The following TGFB2 variants were observed in gnomAD, a reference collection of about 807,000 sequenced individuals.
TGFB2 encodes transforming growth factor beta 2.
A neutral mutation model predicts 42.7 loss-of-function variants in TGFB2; 13 were observed. The observed-to-expected ratio is 0.30, with a 90% CI of 0.20 to 0.48. The LOEUF is 0.48. Among genes scored for constraint, TGFB2 ranks in the 20% least tolerant of loss-of-function variants. TGFB2 has a pLI of 0.99. For synonymous variants in TGFB2, 193 were observed against 193.6 expected (o/e 1.00, Z 0.03); for missense variants, 390 against 517.5 (o/e 0.75, Z 2.39).
At chr1:218,379,240 C>A (rs1312683069) in intron 1 of TGFB2, among the ~76,000 whole-genome samples, 1 of 151,086 alleles carries the variant, frequency 6.6e-6, no homozygotes, top group Non-Finnish European at 1.5e-5. Context: ...TCACGCCATT[C>A]TCCTGCCTCA....
At position 218,401,347 on chromosome 1, in the gene TGFB2, G is replaced by A. The variant is rs191489060; in HGVS notation, c.347-3822G>A. ...CTCAGGTTTTTTTTCTCTCCCTTCC[G>A]TCCCCAAAATATGGTTTTGCAGGCA... On this transcript the variant is annotated intron_variant, in intron 1 of 6. Transcript: ENST00000366930. Among the ~76,000 whole-genome samples, 236 of 151,764 alleles carry A rather than the reference G, an allele frequency of 1.6e-3. 1 individual carries two copies. Among genetic ancestry groups the A allele is most frequent in the Non-Finnish European group, 4.9e-4 (33 of 67,972 alleles).
intron 1 of TGFB2, among the ~76,000 whole-genome samples, chr1:218,394,471 A>C (rs1240269600): frequency 1.3e-5 from 2 of 152,216 alleles, no homozygotes; most frequent in Admixed American, 1.3e-4. Context: ...CTGTTATTTT[A>C]CTTTTTTTTT....
chr1:218,394,416 T>A (rs1558242906), intron 1 of TGFB2, among the ~76,000 whole-genome samples: 1 of 152,204 alleles, frequency 6.6e-6, no homozygotes. Context: ...GGAAACCCCA[T>A]GTCTGACACA....
chr1:218,353,728 C>A (rs1001029379), intron 1 of TGFB2, among the ~76,000 whole-genome samples: 8 of 152,146 alleles, frequency 5.3e-5, no homozygotes, highest in African/African-American at 1.9e-4. Flanking sequence ...AAGATCTTGT[C>A]TCTACAGAGA....
intron 1 of TGFB2, among the ~76,000 whole-genome samples, chr1:218,354,150 A>G (rs1170589213): frequency 6.6e-6 from 1 of 152,212 alleles, no homozygotes; most frequent in Admixed American, 6.5e-5. Flanking sequence ...TATAGAACTT[A>G]GCATATTGTG....
rs1348613927 is a variant in TGFB2 at position 218,345,584 on chromosome 1, G to A, written c.-1118G>A. On this transcript the variant is annotated 5_prime_UTR_variant, in exon 1 of 7. It adds an upstream start codon to the 5' untranslated region. Transcript: ENST00000366930. ...GGAGACAGAGAGGATCTATTTTAGG[G>A]TGGCAAGTGCCTACCTACCCTAAGC... is the stretch of plus-strand genomic sequence containing the variant. 6.5e-6 allele frequency: 1 copy of A among 152,772 alleles called. No homozygotes were observed. The highest frequency in any genetic ancestry group is 1.5e-5 in the Non-Finnish European group (1 of 68,576). The allele number at this position is 152,772 out of a possible 1,614,324, so 9.5% of individuals were successfully genotyped here.
At chr1:218,404,701 TGA>T (rs1658848671) in intron 1 of TGFB2, among the ~76,000 whole-genome samples, 1 of 152,200 alleles carries the variant, frequency 6.6e-6, no homozygotes, top group Non-Finnish European at 1.5e-5. Flanking sequence ...ATTCGATATA[TGA>T]GCCTGGTTAA....
At chr1:218,411,390 T>C (rs1269745811) in intron 2 of TGFB2, among the ~76,000 whole-genome samples, 1 of 152,146 alleles carries the variant, frequency 6.6e-6, no homozygotes, top group African/African-American at 2.4e-5. Context: ...GTCTGGAGGA[T>C]TGATGATGGC....
chr1:218,373,762 C>T lies in TGFB2; in HGVS notation c.346+26715C>T, dbSNP rs1234279256. Among the ~76,000 whole-genome samples the T allele has an allele frequency of 2.0e-5, 3 of 152,128 alleles. No individual in the cohort carries two copies. The East Asian group carries it at 5.8e-4, about 29-fold the overall frequency. On this transcript the variant is annotated intron_variant, in intron 1 of 6. Transcript: ENST00000366930. ...AATGAGAAGTCTAAAAAGGAGAATC[C>T]TCTGAGTGAGAACCATATGCATCTG...
chr1:218,366,398 C>G (rs531005568), intron 1 of TGFB2, among the ~76,000 whole-genome samples: 2 of 152,022 alleles, frequency 1.3e-5, no homozygotes, highest in Non-Finnish European at 2.9e-5. Flanking sequence ...CCTCTAACTC[C>G]TGGGCTGAAG....
intron 1 of TGFB2, chr1:218,363,186 C>T (rs1571836605): frequency 2.0e-5 from 13 of 646,252 alleles, no homozygotes; most frequent in Middle Eastern, 5.5e-4. Flanking sequence ...GTGTCTAATC[C>T]CCTGGCCCCA....
At chr1:218,359,395 G>A (rs568773610) in intron 1 of TGFB2, among the ~76,000 whole-genome samples, 1 of 152,282 alleles carries the variant, frequency 6.6e-6, no homozygotes, top group South Asian at 2.1e-4. Context: ...TCTAAACTAA[G>A]TCCTGAACTG....
chr1:218,367,476 G>A (rs893988203), intron 1 of TGFB2, among the ~76,000 whole-genome samples: 1 of 152,160 alleles, frequency 6.6e-6, no homozygotes, highest in South Asian at 2.1e-4. Flanking sequence ...GTGCAACCCT[G>A]TGCCCCCTGG....
chr1:218,435,690 C>A (rs1659947530), intron 4 of TGFB2, among the ~76,000 whole-genome samples: 1 of 152,188 alleles, frequency 6.6e-6, no homozygotes. Context: ...GACTATAGGT[C>A]AAAGACTGCT....
intron 1 of TGFB2, among the ~76,000 whole-genome samples, chr1:218,386,552 A>T (rs1185675879): frequency 6.6e-6 from 1 of 152,228 alleles, no homozygotes; most frequent in Non-Finnish European, 1.5e-5. Flanking sequence ...TGTCCTACTG[A>T]ATCAGGCTCA....
At chr1:218,374,927 G>T (rs1307403808) in intron 1 of TGFB2, among the ~76,000 whole-genome samples, 1 of 152,160 alleles carries the variant, frequency 6.6e-6, no homozygotes, top group African/African-American at 2.4e-5. Context: ...TCTGATTTCT[G>T]CTTGAAACTT....
chr1:218,368,933 T>G (rs1440774327), intron 1 of TGFB2, among the ~76,000 whole-genome samples: 1 of 151,710 alleles, frequency 6.6e-6, no homozygotes, highest in Non-Finnish European at 1.5e-5. Flanking sequence ...AGAAGAGTGG[T>G]TTTAGCCAGA....
intron 1 of TGFB2, among the ~76,000 whole-genome samples, chr1:218,400,276 G>C (rs1354497123): frequency 6.6e-6 from 1 of 151,462 alleles, no homozygotes; most frequent in Non-Finnish European, 1.5e-5. Flanking sequence ...TTTTTCCTTT[G>C]TTCCATGGTC....
chr1:218,387,967 T>C (rs796135807), intron 1 of TGFB2, among the ~76,000 whole-genome samples: 27 of 152,160 alleles, frequency 1.8e-4, no homozygotes, highest in African/African-American at 6.0e-4. Flanking sequence ...GGCATTATTC[T>C]ACATGGAAAT....
Sources: allele counts gnomAD v4.1 joint callset (sites outside exome capture counted in the v4.1 genomes callset), GRCh38; gene constraint gnomAD v4.1.1; transcripts MANE v1.5; gene names NCBI Gene and HGNC (gene_info 2026-07-23, HGNC 2026-07-21).